The following CAMK4 variants were observed in gnomAD, a reference collection of about 807,000 sequenced individuals.
The protein encoded by CAMK4 is calcium/calmodulin-dependent protein kinase type IV.
In CAMK4, 22 loss-of-function variants were observed where a neutral mutation model predicts 44.9. The ratio of observed to expected loss-of-function variants is 0.49; its 90% CI spans 0.35 to 0.70. The LOEUF is 0.70. CAMK4 is among the 30% of genes least tolerant of loss of function. The pLI is 0.01. For synonymous variants in CAMK4, 218 were observed against 215.4 expected, an observed-to-expected ratio of 1.01 and a Z score of -0.11; for missense variants, 498 against 586.8, an observed-to-expected ratio of 0.85 and a Z score of 1.56.
At chr5:111,322,322 C>T (rs573177017) in intron 1 of CAMK4, among the ~76,000 whole-genome samples, 2 of 152,194 alleles carry the variant, frequency 1.3e-5, no homozygotes, top group East Asian at 3.9e-4. Flanking sequence ...GGTGGAGAAA[C>T]ATTGCTGATC....
At chr5:111,271,563 G>A (rs1452588614) in intron 1 of CAMK4, among the ~76,000 whole-genome samples, 1 of 152,220 alleles carries the variant, frequency 6.6e-6, no homozygotes, top group Admixed American at 6.5e-5. Context: ...GGAGATGGGA[G>A]CAAGGAGCTG....
At chr5:111,376,427 C>T (rs921982952) in intron 3 of CAMK4, among the ~76,000 whole-genome samples, 1 of 151,984 alleles carries the variant, frequency 6.6e-6, no homozygotes, top group Non-Finnish European at 1.5e-5. Context: ...TAAGCTGGTC[C>T]TACCCTGCCG....
chr5:111,484,861 A>G lies in CAMK4; in HGVS notation c.*395A>G, dbSNP rs1344288824. Reference sequence around the variant, plus strand: ...AATTCCTTTGAACTACTGCTTAGCTAATACTAGGTAGTGCTAAAAGACATG... The same window carrying G: ...AATTCCTTTGAACTACTGCTTAGCTGATACTAGGTAGTGCTAAAAGACATG... On this transcript the variant is annotated 3_prime_UTR_variant, in exon 11 of 11. Coordinates refer to ENST00000282356, the MANE Select transcript of CAMK4 (RefSeq NM_001744.6). This position sits in a 1 kb window ranked among gnomAD's most constrained non-coding sequence, Gnocchi z 5.3. The G allele has an allele frequency of 6.3e-6, 1 of 157,908 alleles. No homozygotes were observed. Among genetic ancestry groups the G allele is most frequent in the Admixed American group, 6.5e-5 (1 of 15,432 alleles). 9.8% of individuals were successfully genotyped at this position (157,908 alleles called of 1,614,324 possible). A position where few individuals can be genotyped will look rare whatever the true frequency, so the allele number is the denominator to read the frequency against.
chr5:111,450,617 G>A (rs1237230916), intron 7 of CAMK4, among the ~76,000 whole-genome samples: 2 of 61,356 alleles, frequency 3.3e-5, no homozygotes, highest in Non-Finnish European at 7.1e-5. Context: ...GTGAAACCCC[G>A]TCTCTACTAA....
chr5:111,261,680 C>T (rs1561369650), intron 1 of CAMK4, among the ~76,000 whole-genome samples: 2 of 151,814 alleles, frequency 1.3e-5, no homozygotes, highest in Non-Finnish European at 1.5e-5. Flanking sequence ...AGAGAATGCC[C>T]TCCATCCCTA....
chr5:111,246,578 G>C (rs1302070005), intron 1 of CAMK4, among the ~76,000 whole-genome samples: 1 of 152,102 alleles, frequency 6.6e-6, no homozygotes, highest in African/African-American at 2.4e-5. Context: ...TTTCATACCA[G>C]CTTCCCTCAT....
At chr5:111,335,375 T>A (rs1418078974) in intron 1 of CAMK4, among the ~76,000 whole-genome samples, 1 of 151,466 alleles carries the variant, frequency 6.6e-6, no homozygotes, top group Non-Finnish European at 1.5e-5. Context: ...TTGATCTGTA[T>A]TTGGCCCTTT....
intron 1 of CAMK4, among the ~76,000 whole-genome samples, chr5:111,318,675 A>G (rs1346050384): frequency 2.0e-5 from 3 of 152,174 alleles, no homozygotes; most frequent in Non-Finnish European, 4.4e-5. Context: ...AATGTCGCTA[A>G]TGTCACTTCT....
chr5:111,473,511 C>A (rs995428297), intron 8 of CAMK4, 125 bp downstream of exon 8: 9 of 638,608 alleles, frequency 1.4e-5, no homozygotes, highest in South Asian at 3.8e-5. Context: ...CTGTTACATA[C>A]TAAATGCAGT....
chr5:111,398,550 G>A (rs1003938650), intron 5 of CAMK4, among the ~76,000 whole-genome samples: 8 of 152,228 alleles, frequency 5.3e-5, no homozygotes, highest in Non-Finnish European at 1.0e-4. Context: ...ACAGTCTGTT[G>A]TTTGTCAGAA....
chr5:111,333,037 G>C (rs1749238637), intron 1 of CAMK4, among the ~76,000 whole-genome samples: 1 of 151,434 alleles, frequency 6.6e-6, no homozygotes, highest in African/African-American at 2.4e-5. Flanking sequence ...TGCAAATTGA[G>C]GACTGAGGTA....
intron 7 of CAMK4, among the ~76,000 whole-genome samples, chr5:111,461,405 C>G (rs561197590): frequency 1.3e-5 from 2 of 152,146 alleles, no homozygotes; most frequent in South Asian, 4.1e-4. Context: ...GGGGCATTAT[C>G]TTTTTATCAA....
chr5:111,323,521 C>G (rs992088495), intron 1 of CAMK4, among the ~76,000 whole-genome samples: 8 of 151,128 alleles, frequency 5.3e-5, no homozygotes, highest in Admixed American at 4.0e-4. Context: ...CATTTGCATA[C>G]AGGAAAACAG....
At chr5:111,231,922 G>A (rs142739935) in intron 1 of CAMK4, among the ~76,000 whole-genome samples, 1 of 152,286 alleles carries the variant, frequency 6.6e-6, no homozygotes, top group African/African-American at 2.4e-5. Context: ...TTAAAAAAGA[G>A]ATGATCAAAG....
At chr5:111,300,343 T>C (rs1020797152) in intron 1 of CAMK4, among the ~76,000 whole-genome samples, 2 of 152,204 alleles carry the variant, frequency 1.3e-5, no homozygotes, top group Non-Finnish European at 2.9e-5. Flanking sequence ...ATCTGAAACT[T>C]TGCCTTGTGG....
chr5:111,354,696 C>G (rs894314079), intron 2 of CAMK4, among the ~76,000 whole-genome samples: 3 of 151,902 alleles, frequency 2.0e-5, no homozygotes, highest in Admixed American at 2.0e-4. Flanking sequence ...GACTCTGTCT[C>G]AAAAATAAAT....
chr5:111,415,368 C>T (rs760379428), intron 5 of CAMK4, among the ~76,000 whole-genome samples: 1 of 152,140 alleles, frequency 6.6e-6, no homozygotes, highest in Non-Finnish European at 1.5e-5. Flanking sequence ...GCTCAGGGAA[C>T]CCTTATTTTA....
intron 1 of CAMK4, among the ~76,000 whole-genome samples, chr5:111,308,258 T>A (rs306084): frequency 0.78 from 111,909 of 143,934 alleles, 43,091 homozygotes; most frequent in Non-Finnish European, 0.85. Context: ...AATAAAAAAA[T>A]AAAATAAAAT....
At chr5:111,244,058 C>G (rs2112525226) in intron 1 of CAMK4, among the ~76,000 whole-genome samples, 1 of 152,256 alleles carries the variant, frequency 6.6e-6, no homozygotes, top group East Asian at 1.9e-4. Context: ...GAAATGGAAC[C>G]AGAACCTTGG....
Sources: allele counts gnomAD v4.1 joint callset (sites outside exome capture counted in the v4.1 genomes callset), GRCh38; gene constraint gnomAD v4.1.1; non-coding constraint Gnocchi (gnomAD v3.1); transcripts MANE v1.5; gene names NCBI Gene and HGNC (gene_info 2026-07-23, HGNC 2026-07-21).